USO1: variants seen among roughly 807,000 people sequenced by gnomAD.
USO1 encodes the protein general vesicular transport factor p115.
A neutral mutation model predicts 124.5 loss-of-function variants in USO1; 57 were observed. The observed-to-expected ratio is 0.46, with a 90% CI of 0.37 to 0.57. The LOEUF (loss-of-function observed/expected upper bound fraction) is 0.57, where lower values mean the gene tolerates loss of function less well. Ranked by LOEUF, USO1 falls within the 20% of genes least tolerant of loss-of-function variation. The pLI is 0.00. For missense variants in USO1, 900 were observed against 1,040.6 expected (o/e 0.86, Z 1.86); for synonymous variants, 369 against 362.8 (o/e 1.02, Z -0.19).
At chr4:75,738,582 A>G (rs536003538) in intron 1 of USO1, among the ~76,000 whole-genome samples, 3 of 152,080 alleles carry the variant, frequency 2.0e-5, no homozygotes, top group Admixed American at 6.5e-5. Flanking sequence ...GCTTTAAGCA[A>G]TCCTCCCACG....
At chr4:75,725,983 CTGAG>C (rs1560429666) in intron 1 of USO1, among the ~76,000 whole-genome samples, 1 of 152,128 alleles carries the variant, frequency 6.6e-6, no homozygotes. Context: ...AAAAATGAGA[CTGAG>C]AGGGGTGAAG....
chr4:75,800,270 G>A (rs1166363746), intron 14 of USO1, 81 bp from the exon 15 acceptor site: 2 of 1,439,962 alleles, frequency 1.4e-6, no homozygotes, highest in East Asian at 5.1e-5. Flanking sequence ...ACTCTTATGT[G>A]AAGTATTAAT....
intron 4 of USO1, among the ~76,000 whole-genome samples, chr4:75,768,663 A>G (rs550299829): frequency 1.3e-5 from 2 of 152,228 alleles, no homozygotes; most frequent in African/African-American, 4.8e-5. Context: ...CTTCAGGTCA[A>G]TGTTGACTAG....
At chr4:75,730,283 T>C (rs906070487) in intron 1 of USO1, among the ~76,000 whole-genome samples, 1 of 152,152 alleles carries the variant, frequency 6.6e-6, no homozygotes, top group East Asian at 1.9e-4. Context: ...TTTGAATAGA[T>C]GTCCATGAAA....
At chr4:75,786,108 C>T (rs1288920115) in intron 9 of USO1, among the ~76,000 whole-genome samples, 2 of 152,044 alleles carry the variant, frequency 1.3e-5, no homozygotes, top group Non-Finnish European at 2.9e-5. Context: ...TTCTGGTTAC[C>T]TTTTTATTCA....
At chr4:75,758,189 T>C (rs1366790375) in intron 4 of USO1, among the ~76,000 whole-genome samples, 2 of 152,206 alleles carry the variant, frequency 1.3e-5, no homozygotes, top group Non-Finnish European at 2.9e-5. Flanking sequence ...ATTGGAAGTC[T>C]GTATACATTT....
chr4:75,766,538 G>A (rs150446618), intron 4 of USO1, among the ~76,000 whole-genome samples: 249 of 152,252 alleles, frequency 1.6e-3, no homozygotes, highest in Non-Finnish European at 2.7e-3. Flanking sequence ...TAAACTGCAC[G>A]AGGAGGTCAT....
At chr4:75,729,887 T>C (rs1331282279) in intron 1 of USO1, 3 of 373,018 alleles carry the variant, frequency 8.0e-6, no homozygotes, top group South Asian at 6.1e-5. Context: ...TATTTTCTTT[T>C]AATAAAAATT....
intron 8 of USO1, among the ~76,000 whole-genome samples, chr4:75,779,598 C>T (rs909267726): frequency 5.3e-5 from 8 of 152,192 alleles, no homozygotes; most frequent in Non-Finnish European, 1.0e-4. Context: ...TCCAGAGTGA[C>T]GCCCTGACTC....
At chr4:75,751,190 T>A (rs1721288359) in intron 1 of USO1, among the ~76,000 whole-genome samples, 1 of 123,214 alleles carries the variant, frequency 8.1e-6, no homozygotes, top group South Asian at 2.6e-4. Context: ...TATAAATTAT[T>A]TTATTTTATT....
At chr4:75,791,002 A>G (rs1243842916) in intron 12 of USO1, among the ~76,000 whole-genome samples, 3 of 151,932 alleles carry the variant, frequency 2.0e-5, no homozygotes, top group Non-Finnish European at 4.4e-5. Context: ...TGCATTGCAG[A>G]ATTTTCACTT....
intron 1 of USO1, chr4:75,730,129 C>T (rs562460455): frequency 2.3e-5 from 5 of 212,782 alleles, no homozygotes; most frequent in South Asian, 5.8e-5. Context: ...ATTTCTATAT[C>T]GAAGCACTCT....
At chr4:75,745,196 T>C in intron 1 of USO1, 1 of 291,142 alleles carries the variant, frequency 3.4e-6, no homozygotes, top group Non-Finnish European at 6.7e-6. Flanking sequence ...ATATTAATCC[T>C]TGGAATCTTT....
chr4:75,808,855 G>A, intron 20 of USO1, 98 bp from the exon 21 acceptor site: 1 of 1,335,820 alleles, frequency 7.5e-7, no homozygotes, highest in South Asian at 1.4e-5. Context: ...TTAAAAGTAG[G>A]AGGTTGTAAA....
chr4:75,783,499 A>G (rs1191837028), intron 9 of USO1, among the ~76,000 whole-genome samples: 1 of 152,104 alleles, frequency 6.6e-6, no homozygotes, highest in Non-Finnish European at 1.5e-5. Flanking sequence ...TAGTCTACTT[A>G]CTCCTTTATT....
chr4:75,777,825 C>T lies in USO1; in HGVS notation c.676+3029C>T, dbSNP rs150219513. Reference sequence around the variant, plus strand: ...ACATAGTCTTATGACTCAACAATCACGCTCTTTGGTATTTACCCAAATTAG... The same window carrying T: ...ACATAGTCTTATGACTCAACAATCATGCTCTTTGGTATTTACCCAAATTAG... On this transcript the variant is annotated intron_variant, in intron 8 of 23. Coordinates refer to ENST00000514213, the MANE Select transcript of USO1 (RefSeq NM_003715.4). Among the ~76,000 whole-genome samples, 1,518 of 152,250 alleles carry T rather than the reference C, an allele frequency of 1.0e-2. 10 individuals carry two copies. Among genetic ancestry groups the T allele is most frequent in the Non-Finnish European group, 0.016 (1,119 of 68,002 alleles).
rs10683487 is a variant in USO1 at position 75,808,739 on chromosome 4, A to ATTTT, written c.2377-205_2377-202dup. ...CTCCCCTCCCTTCCTGTCTTTTATG[A>ATTTT]TTTTTTTTTTTTGCATGGGATTTCA... is the stretch of plus-strand genomic sequence containing the variant. On this transcript the variant is annotated intron_variant, in intron 20 of 23. Coordinates refer to ENST00000514213, the MANE Select transcript of USO1 (RefSeq NM_003715.4). Among the ~76,000 whole-genome samples the ATTTT allele has an allele frequency of 8.1e-3, 1,141 of 141,608 alleles. 8 individuals are homozygous for ATTTT. The highest frequency in any genetic ancestry group is 0.018 in the African/African-American group (696 of 37,876). 92.9% of individuals were successfully genotyped at this position (141,608 alleles called of 152,430 possible). A position where few individuals can be genotyped will look rare whatever the true frequency, so the allele number is the denominator to read the frequency against.
chr4:75,764,151 A>G (rs1030869698), intron 4 of USO1, among the ~76,000 whole-genome samples: 2 of 152,218 alleles, frequency 1.3e-5, no homozygotes, highest in African/African-American at 4.8e-5. Context: ...GATAAGCTAC[A>G]GCATATTATA....
chr4:75,777,251 C>G (rs947371898), intron 8 of USO1, among the ~76,000 whole-genome samples: 3 of 151,934 alleles, frequency 2.0e-5, no homozygotes, highest in Non-Finnish European at 4.4e-5. Flanking sequence ...AATTAATAAC[C>G]AGTGCAAATA....
Sources: allele counts gnomAD v4.1 joint callset (sites outside exome capture counted in the v4.1 genomes callset), GRCh38; gene constraint gnomAD v4.1.1; transcripts MANE v1.5; gene names NCBI Gene and HGNC (gene_info 2026-07-23, HGNC 2026-07-21).